Variants in TMBIM4 observed in about 807,000 individuals in gnomAD.
The protein encoded by TMBIM4 is protein lifeguard 4.
TMBIM4 carries 28 observed loss-of-function variants against 27.7 expected under a neutral mutation model. The ratio of observed to expected loss-of-function variants is 1.01; its 90% CI spans 0.75 to 1.38. The LOEUF is 1.38. Among genes scored for constraint, TMBIM4 ranks in the 40% most tolerant of loss-of-function variants. TMBIM4 has a pLI of 0.00. For missense variants in TMBIM4, 265 were observed against 277.5 expected (o/e 0.95, Z 0.32); for synonymous variants, 115 against 113.1 (o/e 1.02, Z -0.11).
rs746789287 is a variant in TMBIM4 at position 66,169,929 on chromosome 12, T to A, written c.23A>T (p.Tyr8Phe). Residue 8 changes from tyrosine to phenylalanine, a missense_variant, in exon 1 of 7, where the codon TAC (tyrosine) becomes TTC (phenylalanine). Coordinates refer to ENST00000358230, the MANE Select transcript of TMBIM4 (RefSeq NM_016056.4). ...GTCGTCCTCGATCGAGGAGCGAGGGTACCGGGGGTCGGGGTCAGCCATGAT... is the reference window on the plus strand; with the variant it reads ...GTCGTCCTCGATCGAGGAGCGAGGGAACCGGGGGTCGGGGTCAGCCATGAT... MADPDPR[Y>F]PRSSIEDDFN... The A allele has an allele frequency of 6.7e-7, 1 of 1,494,816 alleles. No homozygotes were observed. Among genetic ancestry groups the A allele is most frequent in the South Asian group, 1.3e-5 (1 of 78,642 alleles). The allele number at this position is 1,494,816 out of a possible 1,614,324, so 92.6% of individuals were successfully genotyped here. A position where few individuals can be genotyped will look rare whatever the true frequency, so the allele number is the denominator to read the frequency against.
intron 3 of TMBIM4, among the ~76,000 whole-genome samples, chr12:66,149,627 T>C (rs1469168145): frequency 6.6e-6 from 1 of 152,050 alleles, no homozygotes; most frequent in Non-Finnish European, 1.5e-5. Flanking sequence ...AACATGATAA[T>C]GTCCCTTTAA....
chr12:66,163,484 C>T (rs2052076561), intron 1 of TMBIM4, among the ~76,000 whole-genome samples: 1 of 152,080 alleles, frequency 6.6e-6, no homozygotes, highest in Non-Finnish European at 1.5e-5. Context: ...GGGAAGCAAA[C>T]ATGTCCTTCT....
In TMBIM4 at chr12:66,169,954, T is replaced by C. The variant is rs912684844; in HGVS notation, c.-3A>G. On this transcript the variant is annotated 5_prime_UTR_variant, in exon 1 of 7. Transcript: ENST00000358230. Reference sequence around the variant, plus strand: ...TACCGGGGGTCGGGGTCAGCCATGATGGCAACAGCACCCCTACCGGTCCCG... The same window carrying C: ...TACCGGGGGTCGGGGTCAGCCATGACGGCAACAGCACCCCTACCGGTCCCG... 7 of 1,489,102 alleles carry C rather than the reference T, an allele frequency of 4.7e-6. No homozygotes were observed. The South Asian group carries it at 6.5e-5, about 14-fold the overall frequency. 92.2% of individuals were successfully genotyped at this position (1,489,102 alleles called of 1,614,324 possible).
At chr12:66,160,616 C>T (rs2052018852) in intron 1 of TMBIM4, among the ~76,000 whole-genome samples, 1 of 152,096 alleles carries the variant, frequency 6.6e-6, no homozygotes, top group African/African-American at 2.4e-5. Context: ...TAAAAGTGCT[C>T]AAGTAAGAGA....
chr12:66,147,990 A>C, intron 3 of TMBIM4, 49 bp from the exon 4 acceptor site: 1,528 of 1,512,794 alleles, frequency 1.0e-3, no homozygotes, highest in Non-Finnish European at 1.3e-3. Flanking sequence ...ATACTATCTC[A>C]TGTACATTTT....
At chr12:66,156,522 T>A (rs955553327) in intron 1 of TMBIM4, among the ~76,000 whole-genome samples, 1 of 152,156 alleles carries the variant, frequency 6.6e-6, no homozygotes, top group Non-Finnish European at 1.5e-5. Context: ...TTCTGATTGG[T>A]CCCCATGCTT....
At chr12:66,150,194 A>G (rs1592542383) in intron 3 of TMBIM4, among the ~76,000 whole-genome samples, 1 of 152,150 alleles carries the variant, frequency 6.6e-6, no homozygotes, top group Non-Finnish European at 1.5e-5. Context: ...GGCTACATGT[A>G]GATGCGAAGA....
intron 5 of TMBIM4, among the ~76,000 whole-genome samples, chr12:66,141,190 A>G (rs146031903): frequency 1.9e-4 from 29 of 152,250 alleles, no homozygotes; most frequent in Non-Finnish European, 3.5e-4. Context: ...AGAAATGGCA[A>G]ATACATTGGT....
At chr12:66,154,089 C>T (rs901039547) in intron 1 of TMBIM4, among the ~76,000 whole-genome samples, 1 of 152,098 alleles carries the variant, frequency 6.6e-6, no homozygotes, top group Non-Finnish European at 1.5e-5. Flanking sequence ...TACAGTGATA[C>T]AAATAATACA....
At chr12:66,159,685 C>G (rs1422628930) in intron 1 of TMBIM4, among the ~76,000 whole-genome samples, 2 of 152,238 alleles carry the variant, frequency 1.3e-5, no homozygotes, top group African/African-American at 4.8e-5. Flanking sequence ...CTTAAGAGTT[C>G]TTCCTCTGGC....
chr12:66,152,626 A>G (rs1481479268), intron 2 of TMBIM4, among the ~76,000 whole-genome samples: 1 of 152,002 alleles, frequency 6.6e-6, no homozygotes, highest in Admixed American at 6.5e-5. Context: ...TACCATATAA[A>G]CTTCTATCAC....
intron 2 of TMBIM4, 107 bp from the exon 3 acceptor site, chr12:66,152,483 G>A: frequency 3.0e-6 from 2 of 657,670 alleles, no homozygotes; most frequent in Non-Finnish European, 4.7e-6. Flanking sequence ...AAAGTACAGG[G>A]GAAAAAATCT....
Position 66,145,909 on chromosome 12 carries a change from A to G in TMBIM4, c.396T>C (p.Thr132=), listed in dbSNP as rs1307771123. ...YIILQAFILT[T]TVFFGLTVYT... Reference sequence around the variant, plus strand: ...ACACAGTCAAACCAAAAAATACTGTAGTAGTCAGTATGAAAGCTTGCAGAA... The same window carrying G: ...ACACAGTCAAACCAAAAAATACTGTGGTAGTCAGTATGAAAGCTTGCAGAA... Residue 132 remains threonine (T), a synonymous_variant, in exon 5 of 7, where the codon ACT becomes ACC. Transcript: ENST00000358230. 1.9e-6 allele frequency: 3 copies of G among 1,606,620 alleles called. No homozygotes were observed. The highest frequency in any genetic ancestry group is 2.6e-6 in the Non-Finnish European group (3 of 1,174,278).
chr12:66,147,494 A>G (rs2051770158), intron 4 of TMBIM4, among the ~76,000 whole-genome samples: 1 of 152,236 alleles, frequency 6.6e-6, no homozygotes, highest in South Asian at 2.1e-4. Flanking sequence ...TTGATAAAAT[A>G]TGAGGATATA....
At position 66,138,069 on chromosome 12, in the gene TMBIM4, T is replaced by C. The variant is rs2051606511; in HGVS notation, c.608A>G (p.His203Arg). The change falls in exon 7 of 7, where the codon CAT becomes CGT. Residue 203 changes from histidine (H) to arginine (R), a missense_variant. Coordinates refer to ENST00000358230, the MANE Select transcript of TMBIM4 (RefSeq NM_016056.4). ...TACGTACTCTTCAGGTGACAGTTTA[T>C]GCATCAGTGAGTGTGTGTCATAGAT... Reference protein sequence around the residue: ...FIIYDTHSLMHKLSPEEYVLA... With the variant: ...FIIYDTHSLMRKLSPEEYVLA... 3 of 1,613,982 alleles carry C rather than the reference T, an allele frequency of 1.9e-6. No homozygotes were observed. Among genetic ancestry groups the C allele is most frequent in the Non-Finnish European group, 2.5e-6 (3 of 1,180,016 alleles).
chr12:66,149,028 A>G (rs1485696223), intron 3 of TMBIM4, among the ~76,000 whole-genome samples: 1 of 152,178 alleles, frequency 6.6e-6, no homozygotes, highest in African/African-American at 2.4e-5. Context: ...TCAGGAAACC[A>G]TCAGCACCAG....
rs2051586210 is a variant in TMBIM4, at chr12:66,136,855, G to A, written c.*1105C>T. ...CAGCCTAACAAACTAGTACAGTGAG[G>A]GAATTTGACAAAATTTCATTGGTTA... On this transcript the variant is annotated 3_prime_UTR_variant, in exon 7 of 7. Transcript: ENST00000358230. 6.6e-6 allele frequency: 1 copy of A among 152,142 alleles called. No homozygotes were observed. Among genetic ancestry groups the A allele is most frequent in the Non-Finnish European group, 1.5e-5 (1 of 68,032 alleles). The allele number at this position is 152,142 out of a possible 1,614,324, so 9.4% of individuals were successfully genotyped here. A position where few individuals can be genotyped will look rare whatever the true frequency, so the allele number is the denominator to read the frequency against.
chr12:66,149,461 A>AAAAG (rs1441263001), intron 3 of TMBIM4, among the ~76,000 whole-genome samples: 4 of 151,166 alleles, frequency 2.6e-5, no homozygotes, highest in Admixed American at 6.6e-5. Flanking sequence ...AAAAAAAAAA[A>AAAAG]AAAGAAAGAA....
At chr12:66,161,769 G>A (rs2136881549) in intron 1 of TMBIM4, among the ~76,000 whole-genome samples, 1 of 152,244 alleles carries the variant, frequency 6.6e-6, no homozygotes, top group East Asian at 1.9e-4. Context: ...AGTAAATCAA[G>A]AATAAAATTA....
Sources: gnomAD v4.1 joint callset for allele counts (sites outside exome capture counted in the v4.1 genomes callset) on GRCh38, gnomAD v4.1.1 for gene constraint, MANE v1.5 for transcripts, NCBI Gene and HGNC (gene_info 2026-07-23, HGNC 2026-07-21) for gene names.